MBOAT2: variants seen among roughly 807,000 people sequenced by gnomAD.
MBOAT2 encodes the protein membrane-bound glycerophospholipid O-acyltransferase 2.
A neutral mutation model predicts 63.4 loss-of-function variants in MBOAT2; 28 were observed. The observed-to-expected ratio is 0.44, with a 90% CI of 0.33 to 0.61. MBOAT2 has a LOEUF of 0.61. MBOAT2 is among the 20% of genes least tolerant of loss of function. The pLI, the probability that MBOAT2 is intolerant of heterozygous loss-of-function variation, is 0.03. For synonymous variants in MBOAT2, 211 were observed against 215.6 expected (o/e 0.98, Z 0.19); for missense variants, 470 against 605.8 (o/e 0.78, Z 2.35).
rs1128192 is a variant in MBOAT2, at chr2:8,858,163, T to G, written c.*516A>C. On this transcript the variant is annotated 3_prime_UTR_variant, in exon 13 of 13. Coordinates refer to ENST00000305997, the MANE Select transcript of MBOAT2 (RefSeq NM_138799.4). ...TATTGCATTTTAAAAATATCCACAC[T>G]CTTAAATATCCTGTTTCAAATTCCT... 4 of 152,868 alleles carry G rather than the reference T, an allele frequency of 2.6e-5. No individual in the cohort carries two copies. Among genetic ancestry groups the G allele is most frequent in the African/African-American group, 9.6e-5 (4 of 41,452 alleles). 9.5% of individuals were successfully genotyped at this position (152,868 alleles called of 1,614,324 possible).
At chr2:8,913,494 A>G (rs1573035249) in intron 3 of MBOAT2, among the ~76,000 whole-genome samples, 1 of 152,198 alleles carries the variant, frequency 6.6e-6, no homozygotes, top group African/African-American at 2.4e-5. Flanking sequence ...AAAAACAAAC[A>G]ATCCCATCAA....
At chr2:8,883,643 T>C (rs1663313235) in intron 5 of MBOAT2, among the ~76,000 whole-genome samples, 1 of 152,144 alleles carries the variant, frequency 6.6e-6, no homozygotes, top group Non-Finnish European at 1.5e-5. Flanking sequence ...AACAAATAAA[T>C]GAGGTACCAA....
chr2:8,888,181 A>AT (rs1358531124), intron 4 of MBOAT2, 108 bp from the exon 5 acceptor site: 4 of 1,041,334 alleles, frequency 3.8e-6, no homozygotes, highest in African/African-American at 1.6e-5. Flanking sequence ...AAATCCTGAA[A>AT]TTTTTAACAT....
At chr2:8,888,817 C>T (rs1035620457) in intron 4 of MBOAT2, among the ~76,000 whole-genome samples, 5 of 152,048 alleles carry the variant, frequency 3.3e-5, no homozygotes, top group African/African-American at 1.2e-4. Context: ...CGCTTGAGCC[C>T]AGGAGTCTGA....
intron 3 of MBOAT2, among the ~76,000 whole-genome samples, chr2:8,938,592 T>C (rs1321304853): frequency 6.6e-6 from 1 of 151,582 alleles, no homozygotes; most frequent in African/African-American, 2.4e-5. Context: ...CATGCCGTGT[T>C]TCATGCCACC....
At position 8,953,671 on chromosome 2, in the gene MBOAT2, T is replaced by C. The variant is rs866569237; in HGVS notation, c.221+4826A>G. Among the ~76,000 whole-genome samples the C allele has an allele frequency of 2.6e-5, 4 of 152,344 alleles. No individual in the cohort carries two copies. In the South Asian group the frequency reaches 6.2e-4, roughly 24 times the overall value. On this transcript the variant is annotated intron_variant, in intron 2 of 12. Transcript: ENST00000305997. ...TTTTATTTTTGTCTGATTGGGTTAG[T>C]TCCAAAGACTCGTCTTCAAGCTCTG...
intron 1 of MBOAT2, among the ~76,000 whole-genome samples, chr2:8,997,749 A>AACC (rs2103381462): frequency 6.6e-6 from 1 of 152,332 alleles, no homozygotes; most frequent in South Asian, 2.1e-4. Flanking sequence ...CAGATAAGGA[A>AACC]ACCACGGCTT....
At chr2:8,901,709 GT>G (rs1192924461) in intron 4 of MBOAT2, among the ~76,000 whole-genome samples, 1 of 152,162 alleles carries the variant, frequency 6.6e-6, no homozygotes, top group African/African-American at 2.4e-5. Context: ...ATTCCAGATA[GT>G]CCCCCCTACG....
intron 1 of MBOAT2, among the ~76,000 whole-genome samples, chr2:8,972,253 A>T (rs1015222945): frequency 9.2e-5 from 14 of 152,238 alleles, no homozygotes; most frequent in Admixed American, 5.2e-4. Context: ...ACCTGACAAA[A>T]ACAAGAAATG....
intron 3 of MBOAT2, among the ~76,000 whole-genome samples, chr2:8,918,030 T>C (rs1666313329): frequency 6.6e-6 from 1 of 152,180 alleles, no homozygotes; most frequent in Non-Finnish European, 1.5e-5. Flanking sequence ...AATTGATCTA[T>C]GGTGACAGAA....
At chr2:8,973,980 C>T (rs1048480808) in intron 1 of MBOAT2, among the ~76,000 whole-genome samples, 1 of 152,074 alleles carries the variant, frequency 6.6e-6, no homozygotes, top group African/African-American at 2.4e-5. Flanking sequence ...TTGGAAAAGA[C>T]AGAGACTACT....
At chr2:8,891,754 T>C (rs1024714591) in intron 4 of MBOAT2, among the ~76,000 whole-genome samples, 1 of 152,026 alleles carries the variant, frequency 6.6e-6, no homozygotes, top group African/African-American at 2.4e-5. Context: ...CTGAAGAAGG[T>C]AGGAGAGGCA....
intron 1 of MBOAT2, among the ~76,000 whole-genome samples, chr2:8,968,598 T>C (rs1042283025): frequency 3.9e-5 from 6 of 152,282 alleles, no homozygotes; most frequent in South Asian, 2.1e-4. Context: ...AGGAGGAAGT[T>C]TGAACCCATC....
chr2:8,987,894 T>A (rs1671676087), intron 1 of MBOAT2, among the ~76,000 whole-genome samples: 1 of 152,222 alleles, frequency 6.6e-6, no homozygotes, highest in Non-Finnish European at 1.5e-5. Context: ...ATTTTCTATT[T>A]ATACTTTTTT....
intron 1 of MBOAT2, among the ~76,000 whole-genome samples, chr2:8,975,797 CAAA>C (rs75305828): frequency 4.9e-5 from 3 of 60,700 alleles, no homozygotes; most frequent in Non-Finnish European, 3.9e-5. Context: ...ATGAACAATA[CAAA>C]AAAAAAAAAA....
chr2:8,974,629 A>G (rs1385514096), intron 1 of MBOAT2, among the ~76,000 whole-genome samples: 3 of 152,172 alleles, frequency 2.0e-5, no homozygotes, highest in East Asian at 1.9e-4. Flanking sequence ...CTGAGGGTGG[A>G]GGATGTGGTA....
intron 3 of MBOAT2, among the ~76,000 whole-genome samples, chr2:8,912,294 G>GAAAGA (rs1316900208): frequency 9.4e-6 from 1 of 106,048 alleles, no homozygotes; most frequent in Non-Finnish European, 1.9e-5. Context: ...AGAAGGAAAA[G>GAAAGA]AAAGAAAAGA....
At chr2:8,976,253 T>G (rs1192262493) in intron 1 of MBOAT2, among the ~76,000 whole-genome samples, 1 of 151,562 alleles carries the variant, frequency 6.6e-6, no homozygotes, top group African/African-American at 2.4e-5. Flanking sequence ...AGATTAAAGG[T>G]AGGCACCTAC....
intron 1 of MBOAT2, among the ~76,000 whole-genome samples, chr2:9,000,211 C>A (rs975153938): frequency 6.6e-6 from 1 of 152,216 alleles, no homozygotes; most frequent in African/African-American, 2.4e-5. Context: ...ACCAAATTAA[C>A]ATACTAACAA....
Sources: gnomAD v4.1 joint callset for allele counts (sites outside exome capture counted in the v4.1 genomes callset) on GRCh38, gnomAD v4.1.1 for gene constraint, MANE v1.5 for transcripts, NCBI Gene and HGNC (gene_info 2026-07-23, HGNC 2026-07-21) for gene names.